ARMH3: variants seen among roughly 807,000 people sequenced by gnomAD.
ARMH3 encodes the protein armadillo-like helical domain-containing protein 3.
A neutral mutation model predicts 99.1 loss-of-function variants in ARMH3; 60 were observed. The observed-to-expected ratio is 0.61, with a 90% CI of 0.49 to 0.75. The LOEUF (loss-of-function observed/expected upper bound fraction) is 0.75, where lower values mean the gene tolerates loss of function less well. Among genes scored for constraint, ARMH3 ranks in the 30% least tolerant of loss-of-function variants. The pLI, the probability that ARMH3 is intolerant of heterozygous loss-of-function variation, is 0.00. For missense variants in ARMH3, 679 were observed against 843.1 expected (o/e 0.81, Z 2.41); for synonymous variants, 285 against 292.8 (o/e 0.97, Z 0.27).
At chr10:101,945,402 C>T (rs1030718403) in intron 22 of ARMH3, among the ~76,000 whole-genome samples, 3 of 151,994 alleles carry the variant, frequency 2.0e-5, no homozygotes, top group Admixed American at 6.6e-5. Context: ...GGCAACATGC[C>T]GAAATCCTGT....
chr10:101,969,607 T>C (rs1195171135), intron 20 of ARMH3, among the ~76,000 whole-genome samples: 4 of 152,238 alleles, frequency 2.6e-5, no homozygotes, highest in Admixed American at 2.0e-4. Flanking sequence ...TGATACTCCC[T>C]GGGTTTTCCA....
intron 23 of ARMH3, among the ~76,000 whole-genome samples, chr10:101,905,222 T>A (rs2135516827): frequency 6.6e-6 from 1 of 152,270 alleles, no homozygotes; most frequent in East Asian, 1.9e-4. Flanking sequence ...GGTCAGGTGA[T>A]GATTCTGGAA....
chr10:102,055,586 G>T (rs1269065486), intron 1 of ARMH3, among the ~76,000 whole-genome samples: 1 of 152,132 alleles, frequency 6.6e-6, no homozygotes, highest in Non-Finnish European at 1.5e-5. Flanking sequence ...GTGAAGAGTG[G>T]GTTAAAGCCT....
chr10:102,014,077 C>G, intron 8 of ARMH3, 53 bp from the exon 9 acceptor site: 1 of 1,390,246 alleles, frequency 7.2e-7, no homozygotes, highest in Non-Finnish European at 1.0e-6. Flanking sequence ...TAAGAAAGCC[C>G]GTTAGCTATC....
At chr10:101,887,676 G>T (rs1426261806) in intron 24 of ARMH3, among the ~76,000 whole-genome samples, 2 of 133,422 alleles carry the variant, frequency 1.5e-5, no homozygotes, top group Non-Finnish European at 3.1e-5. Context: ...CAAGCAATCT[G>T]CCCACCTCAG....
chr10:101,862,261 C>T (rs1311612587), intron 24 of ARMH3, among the ~76,000 whole-genome samples: 3 of 152,008 alleles, frequency 2.0e-5, no homozygotes, highest in African/African-American at 2.4e-5. Context: ...TCACATGTAA[C>T]GTGAAATAAT....
In ARMH3 at chr10:101,944,273, TAGAGAGAGAGAGAGAGAG is replaced by T. The variant is rs55633048; in HGVS notation, c.1706-4353_1706-4336del. Among the ~76,000 whole-genome samples the T allele has an allele frequency of 3.8e-3, 96 of 25,374 alleles. 2 individuals carry two copies. Among genetic ancestry groups the T allele is most frequent in the Middle Eastern group, 0.025 (1 of 40 alleles). 16.6% of individuals were successfully genotyped at this position (25,374 alleles called of 152,430 possible). A position where few individuals can be genotyped will look rare whatever the true frequency, so the allele number is the denominator to read the frequency against. ...ATATATATATATATATATATATATA[TAGAGAGAGAGAGAGAGAG>T]AGAGAGAGAGAGAGAGAGAGAGAGA... On this transcript the variant is annotated intron_variant, in intron 22 of 25. Transcript: ENST00000370033.
chr10:101,855,058 A>ATTTT, intron 24 of ARMH3, among the ~76,000 whole-genome samples: 1 of 27,202 alleles, frequency 3.7e-5, no homozygotes. Flanking sequence ...AACACTGTCT[A>ATTTT]TTCTTTTTTT....
At chr10:101,885,141 A>G (rs190744886) in intron 24 of ARMH3, among the ~76,000 whole-genome samples, 4 of 152,342 alleles carry the variant, frequency 2.6e-5, no homozygotes, top group African/African-American at 4.8e-5. Context: ...GCTATTAAAA[A>G]AAAAACAGAA....
At chr10:102,007,105 GA>G (rs1233753857) in intron 13 of ARMH3, among the ~76,000 whole-genome samples, 1 of 132,050 alleles carries the variant, frequency 7.6e-6, no homozygotes, top group Non-Finnish European at 1.5e-5. Flanking sequence ...AGGTTGCAGT[GA>G]GGTGATATCA....
At chr10:101,885,940 C>T (rs2067529879) in intron 24 of ARMH3, among the ~76,000 whole-genome samples, 1 of 151,786 alleles carries the variant, frequency 6.6e-6, no homozygotes, top group Admixed American at 6.6e-5. Context: ...GCCTGTAATC[C>T]CAGCTACTAG....
chr10:101,909,414 CAA>C (rs1232777837), intron 23 of ARMH3, among the ~76,000 whole-genome samples: 49 of 72,312 alleles, frequency 6.8e-4, no homozygotes, highest in Admixed American at 1.9e-3. Context: ...AACCCTATCT[CAA>C]AAAAAAAAAA....
chr10:101,973,581 CCAGAACG>C (rs2135914083), intron 20 of ARMH3, among the ~76,000 whole-genome samples: 1 of 151,742 alleles, frequency 6.6e-6, no homozygotes. Context: ...AGGAGACAGA[CCAGAACG>C]AAGAATAGAA....
chr10:102,027,148 G>A (rs75278826), intron 5 of ARMH3, among the ~76,000 whole-genome samples: 3 of 151,916 alleles, frequency 2.0e-5, no homozygotes, highest in African/African-American at 7.3e-5. Context: ...GTGTGGTGGC[G>A]CATGCCTGTA....
chr10:101,873,968 GATAT>G (rs1291487006), intron 24 of ARMH3, among the ~76,000 whole-genome samples: 3 of 152,070 alleles, frequency 2.0e-5, no homozygotes, highest in African/African-American at 7.2e-5. Context: ...TCTTTGGGTG[GATAT>G]ATATTTTCAT....
intron 2 of ARMH3, among the ~76,000 whole-genome samples, chr10:102,034,977 C>G (rs182801362): frequency 2.0e-5 from 3 of 152,272 alleles, no homozygotes; most frequent in Admixed American, 2.0e-4. Context: ...TGGCTCACAC[C>G]TGTAACGTCA....
rs2067371200 is a variant in ARMH3 at position 102,040,000 on chromosome 10, C to T, written c.102+13G>A. 6.2e-7 allele frequency: 1 copy of T among 1,608,154 alleles called. No individual in the cohort carries two copies. Among genetic ancestry groups the T allele is most frequent in the South Asian group, 1.1e-5 (1 of 90,966 alleles). ...AAGACTCAAGCTGTACACAACAAGGCCGCAGGCCTTACCATGAAGATCTCA... is the reference window on the plus strand; with the variant it reads ...AAGACTCAAGCTGTACACAACAAGGTCGCAGGCCTTACCATGAAGATCTCA... On this transcript the variant is annotated intron_variant, in intron 2 of 25. Coordinates refer to ENST00000370033, the MANE Select transcript of ARMH3 (RefSeq NM_024541.3).
intron 23 of ARMH3, among the ~76,000 whole-genome samples, chr10:101,903,477 A>G (rs2068026950): frequency 6.6e-6 from 1 of 152,226 alleles, no homozygotes; most frequent in Admixed American, 6.5e-5. Flanking sequence ...GACAAAAGGT[A>G]TCATGGAAGC....
intron 24 of ARMH3, among the ~76,000 whole-genome samples, chr10:101,874,580 T>A (rs1249079379): frequency 1.3e-5 from 2 of 151,882 alleles, no homozygotes; most frequent in East Asian, 3.9e-4. Context: ...TACAGGAAGG[T>A]TTTTTAGTGG....
Sources: allele counts gnomAD v4.1 joint callset (sites outside exome capture counted in the v4.1 genomes callset), GRCh38; gene constraint gnomAD v4.1.1; transcripts MANE v1.5; gene names NCBI Gene and HGNC (gene_info 2026-07-23, HGNC 2026-07-21).